Variants in ELOVL6 observed in about 807,000 individuals in gnomAD.
The protein encoded by ELOVL6 is very long chain fatty acid elongase 6.
Under a neutral mutation model 31.7 loss-of-function variants are expected in ELOVL6, and 8 were observed. That is an observed-to-expected ratio of 0.25 (90% CI 0.15 to 0.45). The LOEUF is 0.45. Ranked by LOEUF, ELOVL6 falls within the 20% of genes least tolerant of loss-of-function variation. The probability of loss-of-function intolerance (pLI) is 1.00; values close to 1 mark genes in which losing one functional copy is unlikely to be tolerated. For missense variants in ELOVL6, 126 were observed against 326.4 expected, an observed-to-expected ratio of 0.39 and a Z score of 4.73; for synonymous variants, 101 against 117.7, an observed-to-expected ratio of 0.86 and a Z score of 0.92.
At chr4:110,092,679 T>C (rs931722489) in intron 2 of ELOVL6, among the ~76,000 whole-genome samples, 3 of 152,336 alleles carry the variant, frequency 2.0e-5, no homozygotes, top group Middle Eastern at 3.4e-3. Context: ...CAGTATTTTA[T>C]TTATGGACGT....
At chr4:110,106,448 G>A (rs1205760949) in intron 1 of ELOVL6, among the ~76,000 whole-genome samples, 2 of 152,116 alleles carry the variant, frequency 1.3e-5, no homozygotes, top group Non-Finnish European at 2.9e-5. Context: ...AGTGCTCCGG[G>A]GAAAGGGGCG....
chr4:110,053,810 G>A (rs1343221367), intron 3 of ELOVL6, among the ~76,000 whole-genome samples: 1 of 152,174 alleles, frequency 6.6e-6, no homozygotes, highest in East Asian at 1.9e-4. Context: ...GTGGTGGTGG[G>A]TGCCTGTGGT....
chr4:110,051,363 A>G lies in ELOVL6; in HGVS notation c.773T>C (p.Met258Thr), dbSNP rs757865491. 5 of 1,614,030 alleles carry G rather than the reference A, an allele frequency of 3.1e-6. No individual in the cohort carries two copies. The highest frequency in any genetic ancestry group is 4.2e-6 in the Non-Finnish European group (5 of 1,179,972). The part of the protein sequence containing the change: ...HFFFEAYIGK[M>T]RKTTKAE Reference sequence around the variant, plus strand: ...CTATTCAGCTTTCGTTGTTTTCCTCATTTTGCCGATGTAGGCCTCAAAGAA... The same window carrying G: ...CTATTCAGCTTTCGTTGTTTTCCTCGTTTTGCCGATGTAGGCCTCAAAGAA... Residue 258 changes from methionine to threonine, a missense_variant, in exon 4 of 4, where the codon ATG becomes ACG. By Grantham distance (81) the Met-to-Thr change is moderately conservative. This residue lies in a region of ELOVL6 where 57 missense variants were observed against 110.2 expected (regional missense o/e 0.52). Coordinates refer to ENST00000302274, the MANE Select transcript of ELOVL6 (RefSeq NM_024090.3). The surrounding 1 kb of genome is among the most constrained non-coding windows in gnomAD (Gnocchi z 4.8).
At chr4:110,113,741 G>T (rs1321981894) in intron 1 of ELOVL6, among the ~76,000 whole-genome samples, 1 of 152,094 alleles carries the variant, frequency 6.6e-6, no homozygotes, top group Non-Finnish European at 1.5e-5. Context: ...TCCAGGTAAC[G>T]ATCTAGTGAT....
intron 1 of ELOVL6, among the ~76,000 whole-genome samples, chr4:110,113,604 T>C (rs540391908): frequency 2.6e-5 from 4 of 152,100 alleles, no homozygotes; most frequent in Admixed American, 2.0e-4. Flanking sequence ...AAACAAAAAG[T>C]CATTGGTCTT....
chr4:110,198,229 GGCGA>G lies in ELOVL6; in HGVS notation c.89+14_89+17del, dbSNP rs769080554. Reference sequence around the variant, plus strand: ...CGCAGGGCTCCCGGGAACAGTATCAGGCGAAAGCATCACGTACCAGTTTTCCTGC... The same window carrying G: ...CGCAGGGCTCCCGGGAACAGTATCAGAAGCATCACGTACCAGTTTTCCTGC... On this transcript the variant is annotated intron_variant, in intron 1 of 3. Transcript: ENST00000302274. 1.4e-5 allele frequency: 21 copies of G among 1,494,016 alleles called. No homozygotes were observed. Among genetic ancestry groups the G allele is most frequent in the Non-Finnish European group, 1.8e-5 (19 of 1,070,576 alleles). The allele number at this position is 1,494,016 out of a possible 1,614,324, so 92.5% of individuals were successfully genotyped here. A position where few individuals can be genotyped will look rare whatever the true frequency, so the allele number is the denominator to read the frequency against.
intron 1 of ELOVL6, among the ~76,000 whole-genome samples, chr4:110,167,653 TTATGTATG>T (rs33925081): frequency 0.43 from 60,138 of 139,094 alleles, 13,211 homozygotes; most frequent in East Asian, 0.58. Flanking sequence ...ACCACCTCAG[TTATGTATG>T]TATGTATGTA....
At chr4:110,082,014 C>G (rs966562051) in intron 2 of ELOVL6, among the ~76,000 whole-genome samples, 3 of 149,852 alleles carry the variant, frequency 2.0e-5, no homozygotes, top group African/African-American at 4.9e-5. Flanking sequence ...CACTGGCCAT[C>G]AGAGAAATGC....
Position 110,066,499 on chromosome 4 carries a change from C to T in ELOVL6, c.222-6745G>A, listed in dbSNP as rs148183463. Among the ~76,000 whole-genome samples, 428 of 151,480 alleles carry T rather than the reference C, an allele frequency of 2.8e-3. 16 individuals are homozygous for T. The East Asian group carries it at 0.081, about 29-fold the overall frequency. ...AAAATACAAAAAAAAATTAGCCGGGCGTGGTGACAGGCGCCTGTGGTCCCA... is the reference window on the plus strand; with the variant it reads ...AAAATACAAAAAAAAATTAGCCGGGTGTGGTGACAGGCGCCTGTGGTCCCA... On this transcript the variant is annotated intron_variant, in intron 2 of 3. Transcript: ENST00000302274.
intron 2 of ELOVL6, among the ~76,000 whole-genome samples, chr4:110,067,772 G>A (rs1366768395): frequency 6.6e-6 from 1 of 152,136 alleles, no homozygotes; most frequent in East Asian, 1.9e-4. Flanking sequence ...TAAAGGTTAT[G>A]CGTCTATGTG....
At chr4:110,146,402 C>G (rs761235205) in intron 1 of ELOVL6, 6 of 152,196 alleles carry the variant, frequency 3.9e-5, no homozygotes, top group Non-Finnish European at 7.3e-5. Context: ...TGGCTTAACC[C>G]AGAAAAAATC....
At chr4:110,081,279 T>C (rs539668611) in intron 2 of ELOVL6, among the ~76,000 whole-genome samples, 6 of 152,256 alleles carry the variant, frequency 3.9e-5, no homozygotes, top group South Asian at 4.1e-4. Context: ...GAGCCTGCAT[T>C]GCCAAGTCAA....
intron 1 of ELOVL6, among the ~76,000 whole-genome samples, chr4:110,115,253 C>T (rs1757140581): frequency 1.3e-5 from 2 of 152,046 alleles, no homozygotes; most frequent in South Asian, 4.2e-4. Flanking sequence ...TGACGATGAT[C>T]TCATGGTTAG....
chr4:110,084,581 T>C (rs1385117300), intron 2 of ELOVL6, among the ~76,000 whole-genome samples: 5 of 47,944 alleles, frequency 1.0e-4, no homozygotes, highest in Admixed American at 4.3e-4. Flanking sequence ...TATATATATA[T>C]ATATATATTT....
chr4:110,132,838 TA>T lies in ELOVL6; in HGVS notation c.90-27211del, dbSNP rs983604556. ...CTAGGCAGTACAGCAAGACTGTCTT[TA>T]AAAAAAAAAAGAAGTGGCATTTTAG... is the stretch of plus-strand genomic sequence containing the variant. On this transcript the variant is annotated intron_variant, in intron 1 of 3. Coordinates refer to ENST00000302274, the MANE Select transcript of ELOVL6 (RefSeq NM_024090.3). 2.1e-3 allele frequency among the ~76,000 whole-genome samples: 307 copies of T among 145,128 alleles called. 2 individuals carry two copies. The highest frequency in any genetic ancestry group is 6.4e-3 in the African/African-American group (253 of 39,830).
intron 1 of ELOVL6, among the ~76,000 whole-genome samples, chr4:110,161,014 C>T (rs7681062): frequency 0.56 from 85,818 of 152,018 alleles, 24,487 homozygotes; most frequent in East Asian, 0.78. Flanking sequence ...GATGCTGCTA[C>T]ATGAAAGAAT....
chr4:110,051,219 G>A lies in ELOVL6; in HGVS notation c.*119C>T. On this transcript the variant is annotated 3_prime_UTR_variant, in exon 4 of 4. Coordinates refer to ENST00000302274, the MANE Select transcript of ELOVL6 (RefSeq NM_024090.3). The surrounding 1 kb of genome is among the most constrained non-coding windows in gnomAD (Gnocchi z 4.8). The stretch of plus-strand genomic sequence containing the variant: ...TTATCCCTAAGCTGCCTTGGGTTTT[G>A]TGTTTGCTCATGTTTTGTTTTGTTT... The A allele has an allele frequency of 9.2e-7, 1 of 1,086,766 alleles. No homozygotes were observed. Among genetic ancestry groups the A allele is most frequent in the South Asian group, 1.6e-5 (1 of 63,116 alleles). 67.3% of individuals were successfully genotyped at this position (1,086,766 alleles called of 1,614,324 possible). A position where few individuals can be genotyped will look rare whatever the true frequency, so the allele number is the denominator to read the frequency against.
chr4:110,047,662 G>C lies in ELOVL6; in HGVS notation c.*3676C>G, dbSNP rs1287524661. The C allele has an allele frequency of 1.3e-5, 2 of 152,292 alleles. No homozygotes were observed. The highest frequency in any genetic ancestry group is 2.1e-4 in the South Asian group (1 of 4,820). The allele number at this position is 152,292 out of a possible 1,614,324, so 9.4% of individuals were successfully genotyped here. On this transcript the variant is annotated 3_prime_UTR_variant, in exon 4 of 4. Coordinates refer to ENST00000302274, the MANE Select transcript of ELOVL6 (RefSeq NM_024090.3). ...CCCAGCACTTTGGGAGACCAAGGCGGGTGGATCCCCTGAGGTCAGGAGCTC... is the reference window on the plus strand; with the variant it reads ...CCCAGCACTTTGGGAGACCAAGGCGCGTGGATCCCCTGAGGTCAGGAGCTC...
chr4:110,072,982 T>C (rs536770337), intron 2 of ELOVL6, among the ~76,000 whole-genome samples: 1 of 152,326 alleles, frequency 6.6e-6, no homozygotes, highest in South Asian at 2.1e-4. Flanking sequence ...CTAATTTTTA[T>C]ATATGTGTAT....
Sources: gnomAD v4.1 joint callset for allele counts (sites outside exome capture counted in the v4.1 genomes callset) on GRCh38, gnomAD v4.1.1 for gene constraint, gnomAD v4.1.1 regional missense constraint, Gnocchi (gnomAD v3.1) non-coding constraint, MANE v1.5 for transcripts, NCBI Gene and HGNC (gene_info 2026-07-23, HGNC 2026-07-21) for gene names.